The following NCEH1 variants were observed in gnomAD, a reference collection of about 807,000 sequenced individuals.
The protein encoded by NCEH1 is 2-acetyl MAGE hydrolase.
A neutral mutation model predicts 25.4 loss-of-function variants in NCEH1; 9 were observed. The ratio of observed to expected loss-of-function variants is 0.35; its 90% CI spans 0.21 to 0.62. The LOEUF (loss-of-function observed/expected upper bound fraction) is 0.62, where lower values mean the gene tolerates loss of function less well. NCEH1 is among the 20% of genes least tolerant of loss of function. The pLI, the probability that NCEH1 is intolerant of heterozygous loss-of-function variation, is 0.72. For missense variants in NCEH1, 412 were observed against 501.1 expected, an observed-to-expected ratio of 0.82 and a Z score of 1.70; for synonymous variants, 200 against 199.8, an observed-to-expected ratio of 1.00 and a Z score of -0.01.
rs1717534237 is a variant in NCEH1 at position 172,653,744 on chromosome 3, G to GTTGTTGCTTTTTT, written c.139-5631_139-5630insAAAAAAGCAACAA. On this transcript the variant is annotated intron_variant, in intron 1 of 4. Coordinates refer to ENST00000475381, the MANE Select transcript of NCEH1 (RefSeq NM_020792.6). ...TTGTTGTTGTTGTTCTGTTTTTTTT[G>GTTGTTGCTTTTTT]TTTTTTTGTTTTTTTGTTTTTTTTT... 3.1e-4 allele frequency among the ~76,000 whole-genome samples: 30 copies of GTTGTTGCTTTTTT among 95,656 alleles called. 1 individual carries two copies. Among genetic ancestry groups the GTTGTTGCTTTTTT allele is most frequent in the African/African-American group, 1.1e-3 (27 of 23,898 alleles). The allele number at this position is 95,656 out of a possible 152,430, so 62.8% of individuals were successfully genotyped here. A position where few individuals can be genotyped will look rare whatever the true frequency, so the allele number is the denominator to read the frequency against.
rs1177836301 is a variant in NCEH1 at position 172,630,934 on chromosome 3, T to C, written c.*2541A>G. ...TACAGCACTTCAAGGTTTTTCTTTA[T>C]ATATTAATGTTTATATTTCACAGAC... On this transcript the variant is annotated 3_prime_UTR_variant, in exon 5 of 5. Transcript: ENST00000475381. 2.7e-5 allele frequency: 4 copies of C among 148,452 alleles called. No individual in the cohort carries two copies. The highest frequency in any genetic ancestry group is 9.8e-5 in the African/African-American group (4 of 41,016). The allele number at this position is 148,452 out of a possible 1,614,324, so 9.2% of individuals were successfully genotyped here.
At chr3:172,649,429 AAATG>A (rs1389214464) in intron 1 of NCEH1, among the ~76,000 whole-genome samples, 1 of 152,240 alleles carries the variant, frequency 6.6e-6, no homozygotes, top group Non-Finnish European at 1.5e-5. Context: ...GCAGCAGAGC[AAATG>A]AATATTAAGA....
intron 1 of NCEH1, among the ~76,000 whole-genome samples, chr3:172,697,161 T>C (rs1713421516): frequency 6.6e-6 from 1 of 151,678 alleles, no homozygotes; most frequent in Non-Finnish European, 1.5e-5. Flanking sequence ...ACTCCTGAGC[T>C]CAGGCAATCC....
At chr3:172,662,327 C>T (rs1324441696) in intron 1 of NCEH1, among the ~76,000 whole-genome samples, 3 of 152,158 alleles carry the variant, frequency 2.0e-5, no homozygotes, top group South Asian at 2.1e-4. Context: ...CCAACTTGAT[C>T]GTGGTGGATA....
chr3:172,650,791 G>A (rs1017352459), intron 1 of NCEH1, among the ~76,000 whole-genome samples: 7 of 122,268 alleles, frequency 5.7e-5, no homozygotes, highest in Non-Finnish European at 1.1e-4. Flanking sequence ...CAGCCTGGAT[G>A]ACAGAGCGAG....
At chr3:172,671,646 TACATACAC>T (rs1012589384) in intron 1 of NCEH1, among the ~76,000 whole-genome samples, 4 of 147,644 alleles carry the variant, frequency 2.7e-5, no homozygotes, top group Admixed American at 2.1e-4. Context: ...CATGTATATA[TACATACAC>T]ACATGCACAC....
At position 172,633,437 on chromosome 3, in the gene NCEH1, G is replaced by A. The variant is rs1286303710; in HGVS notation, c.*38C>T. 2 of 1,585,974 alleles carry A rather than the reference G, an allele frequency of 1.3e-6. No individual in the cohort carries two copies. Among genetic ancestry groups the A allele is most frequent in the South Asian group, 1.2e-5 (1 of 85,600 alleles). Reference sequence around the variant, plus strand: ...TGTCTTTCCAAAGCAGGTGTAGGAGGTCAAGAGGGGCTCGAGGCTTCTGGA... The same window carrying A: ...TGTCTTTCCAAAGCAGGTGTAGGAGATCAAGAGGGGCTCGAGGCTTCTGGA... On this transcript the variant is annotated 3_prime_UTR_variant, in exon 5 of 5. Coordinates refer to ENST00000475381, the MANE Select transcript of NCEH1 (RefSeq NM_020792.6).
At chr3:172,699,901 T>C (rs1007132954) in intron 1 of NCEH1, among the ~76,000 whole-genome samples, 1 of 152,148 alleles carries the variant, frequency 6.6e-6, no homozygotes. Context: ...GCATGATTAT[T>C]AATAGCAGTC....
At chr3:172,647,834 T>A in intron 2 of NCEH1, 52 bp downstream of exon 2, 1 of 1,604,250 alleles carries the variant, frequency 6.2e-7, no homozygotes, top group Non-Finnish European at 8.5e-7. Context: ...GTTACGCATC[T>A]CCCCCAAGGC....
intron 1 of NCEH1, among the ~76,000 whole-genome samples, chr3:172,689,739 G>A (rs1362996315): frequency 1.3e-5 from 2 of 150,372 alleles, no homozygotes; most frequent in Non-Finnish European, 1.5e-5. Flanking sequence ...AAAAAAAAAA[G>A]CCCCTGTATT....
rs531547899 is a variant in NCEH1, at chr3:172,655,411, T to C, written c.139-7297A>G. ...CCAGGTAGTTGGTTCATGTTGAAACTTGACCAGATGCTAAGTTATTTATGT... is the reference window on the plus strand; with the variant it reads ...CCAGGTAGTTGGTTCATGTTGAAACCTGACCAGATGCTAAGTTATTTATGT... On this transcript the variant is annotated intron_variant, in intron 1 of 4. Transcript: ENST00000475381. Among the ~76,000 whole-genome samples the C allele has an allele frequency of 3.3e-5, 5 of 152,332 alleles. No homozygotes were observed. The South Asian group carries it at 1.0e-3, about 32-fold the overall frequency.
At chr3:172,703,055 A>G (rs1425013945) in intron 1 of NCEH1, 1 of 152,136 alleles carries the variant, frequency 6.6e-6, no homozygotes, top group Non-Finnish European at 1.5e-5. Flanking sequence ...TTCTATATAA[A>G]CATAAAATGA....
intron 1 of NCEH1, among the ~76,000 whole-genome samples, chr3:172,685,772 C>G (rs944061200): frequency 3.3e-5 from 5 of 152,204 alleles, no homozygotes; most frequent in African/African-American, 1.2e-4. Context: ...CATTCTAAAT[C>G]CTCACCACGT....
At chr3:172,686,622 G>A (rs1329843713) in intron 1 of NCEH1, among the ~76,000 whole-genome samples, 4 of 152,200 alleles carry the variant, frequency 2.6e-5, no homozygotes, top group Non-Finnish European at 5.9e-5. Context: ...GGGACTAGAG[G>A]AATAAGCCCA....
intron 1 of NCEH1, among the ~76,000 whole-genome samples, chr3:172,674,257 T>C (rs1327585325): frequency 6.6e-6 from 1 of 152,062 alleles, no homozygotes; most frequent in Non-Finnish European, 1.5e-5. Context: ...CTGGCCAACA[T>C]GGTGAAACCC....
intron 1 of NCEH1, among the ~76,000 whole-genome samples, chr3:172,657,775 C>T (rs558681823): frequency 6.6e-6 from 1 of 152,328 alleles, no homozygotes; most frequent in South Asian, 2.1e-4. Context: ...AACCTCATTT[C>T]TCACCACCCT....
At chr3:172,671,205 T>C (rs1266759724) in intron 1 of NCEH1, among the ~76,000 whole-genome samples, 2 of 152,208 alleles carry the variant, frequency 1.3e-5, no homozygotes, top group Non-Finnish European at 2.9e-5. Flanking sequence ...GGGAAACTTT[T>C]ACATTTGCAG....
At chr3:172,710,720 A>G (rs1214462572) in intron 1 of NCEH1, 127 bp downstream of exon 1, 45 of 1,062,646 alleles carry the variant, frequency 4.2e-5, no homozygotes, top group Middle Eastern at 2.4e-4. Flanking sequence ...GACCACCTCA[A>G]AAAGCGACAG....
At chr3:172,665,987 A>C (rs1041278523) in intron 1 of NCEH1, among the ~76,000 whole-genome samples, 1 of 152,150 alleles carries the variant, frequency 6.6e-6, no homozygotes, top group Non-Finnish European at 1.5e-5. Flanking sequence ...CCGTGGCTGC[A>C]CCCACTGTCC....
Sources: allele counts gnomAD v4.1 joint callset (sites outside exome capture counted in the v4.1 genomes callset), GRCh38; gene constraint gnomAD v4.1.1; transcripts MANE v1.5; gene names NCBI Gene and HGNC (gene_info 2026-07-23, HGNC 2026-07-21).